ERBB2: variants seen among roughly 807,000 people sequenced by gnomAD.
ERBB2 encodes the protein erb-b2 receptor tyrosine kinase 2.
ERBB2 carries 61 observed loss-of-function variants against 149.0 expected under a neutral mutation model. The ratio of observed to expected loss-of-function variants is 0.41; its 90% confidence interval spans 0.33 to 0.51. The LOEUF is 0.51. Among genes scored for constraint, ERBB2 ranks in the 20% least tolerant of loss-of-function variants. The pLI is 0.25. For missense variants in ERBB2, 1,205 were observed against 1,655.1 expected, an observed-to-expected ratio of 0.73 and a Z score of 4.72; for synonymous variants, 633 against 678.8, an observed-to-expected ratio of 0.93 and a Z score of 1.05.
Position 39,724,707 on chromosome 17 carries a change from A to G in ERBB2, c.2308-19A>G, listed in dbSNP as rs1193115133. On this transcript the variant is annotated intron_variant, in intron 19 of 26. Transcript: ENST00000269571. ...GGTGTGTGGTCTCCCATACCCTCTC[A>G]GCGTACCCTTGTCCCCAGGAAGCAT... 6.2e-7 allele frequency: 1 copy of G among 1,612,224 alleles called. No homozygotes were observed. The highest frequency in any genetic ancestry group is 1.3e-5 in the African/African-American group (1 of 74,830).
rs1597876420 is a variant in ERBB2, at chr17:39,717,443, G to A, written c.1861G>A (p.Gly621Ser). ...MPIWKFPDEEGACQPCPINCT... is the reference protein window; with the variant it reads ...MPIWKFPDEESACQPCPINCT... ...CATCTGGAAGTTTCCAGATGAGGAG[G>A]GCGCATGCCAGCCTTGCCCCATCAA... The change falls in exon 15 of 27, where the codon GGC becomes AGC. Residue 621 changes from glycine (G) to serine (S), a missense_variant. Physicochemically the swap from Gly to Ser is moderately conservative, Grantham distance 56 (BLOSUM62 0). This residue lies in a region of ERBB2 where 569 missense variants were observed against 803.5 expected (regional missense o/e 0.71). Transcript: ENST00000269571. 2 of 1,613,336 alleles carry A rather than the reference G, an allele frequency of 1.2e-6. No homozygotes were observed. Among genetic ancestry groups the A allele is most frequent in the Non-Finnish European group, 1.7e-6 (2 of 1,179,970 alleles).
chr17:39,709,252 G>A (rs2145465328), intron 3 of ERBB2, 66 bp from the exon 4 acceptor site: 1 of 1,586,202 alleles, frequency 6.3e-7, no homozygotes, highest in Non-Finnish European at 8.6e-7. Context: ...GAAGGCAGGA[G>A]GGCCCCAAGG....
chr17:39,707,140 AG>A lies in ERBB2; in HGVS notation c.225+1del, dbSNP rs780661804. 1 of 1,568,148 alleles carries A rather than the reference AG, an allele frequency of 6.4e-7. No homozygotes were observed. Among genetic ancestry groups the A allele is most frequent in the Non-Finnish European group, 8.7e-7 (1 of 1,154,594 alleles). ...LPTNASLSFL[Q>X]DIQEVQGYVL... Reference sequence around the variant, plus strand: ...ACCAATGCCAGCCTGTCCTTCCTGCAGGTGAGGCCCGTGGGCAACCCAGCCA... The same window carrying A: ...ACCAATGCCAGCCTGTCCTTCCTGCAGTGAGGCCCGTGGGCAACCCAGCCA... On this transcript the variant is annotated frameshift_variant and splice_region_variant, in exon 2 of 27. Coordinates refer to ENST00000269571, the MANE Select transcript of ERBB2 (RefSeq NM_004448.4). LOFTEE classifies it high-confidence loss of function.
rs2143064719 is a variant in ERBB2 at position 39,725,747 on chromosome 17, T to C, written c.2766T>C (p.Pro922=). ...VWELMTFGAK[P]YDGIPAREIP... The stretch of plus-strand genomic sequence containing the variant: ...AGCTGATGACTTTTGGGGCCAAACC[T>C]TACGATGGGATCCCAGCCCGGGAGA... Residue 922 remains proline, a synonymous_variant, in exon 23 of 27, where the codon CCT becomes CCC. Coordinates refer to ENST00000269571, the MANE Select transcript of ERBB2 (RefSeq NM_004448.4). The surrounding 1 kb of genome is among the most constrained non-coding windows in gnomAD (Gnocchi z 4.6). The C allele has an allele frequency of 1.2e-6, 2 of 1,613,708 alleles. No homozygotes were observed. The highest frequency in any genetic ancestry group is 1.7e-6 in the Non-Finnish European group (2 of 1,179,878).
intron 1 of ERBB2, among the ~76,000 whole-genome samples, 174 bp downstream of exon 1, chr17:39,700,485 G>A (rs1421590808): frequency 6.6e-5 from 10 of 152,242 alleles, no homozygotes; most frequent in Non-Finnish European, 1.2e-4. Context: ...CGGGCGGGAG[G>A]GGGCAGTTAC....
chr17:39,712,583 AC>A, intron 9 of ERBB2, 135 bp downstream of exon 9: 1 of 1,070,494 alleles, frequency 9.3e-7, no homozygotes, highest in Non-Finnish European at 1.3e-6. Flanking sequence ...CAGATGGGAG[AC>A]CAGAGGAGCA....
rs200798611 is a variant in ERBB2, at chr17:39,717,316, C to T, written c.1738-4C>T. ...CCCCCACAAATCTTTTCTGCCCCCCCCAGGAGGCTGACCAGTGTGTGGCCT... is the reference window on the plus strand; with the variant it reads ...CCCCCACAAATCTTTTCTGCCCCCCTCAGGAGGCTGACCAGTGTGTGGCCT... On this transcript the variant is annotated splice_polypyrimidine_tract_variant and splice_region_variant and intron_variant, in intron 14 of 26. Transcript: ENST00000269571. The T allele has an allele frequency of 2.5e-6, 4 of 1,603,106 alleles. No individual in the cohort carries two copies. The South Asian group carries it at 3.3e-5, about 13-fold the overall frequency.
rs2230700 is a variant in ERBB2 at position 39,728,049 on chromosome 17, G to A, written c.*5G>A. Reference sequence around the variant, plus strand: ...GGTCTGGACGTGCCAGTGTGAACCAGAAGGCCAAGTCCGCAGAAGCCCTGA... The same window carrying A: ...GGTCTGGACGTGCCAGTGTGAACCAAAAGGCCAAGTCCGCAGAAGCCCTGA... On this transcript the variant is annotated 3_prime_UTR_variant, in exon 27 of 27. Transcript: ENST00000269571. The A allele has an allele frequency of 6.4e-7, 1 of 1,567,528 alleles. No individual in the cohort carries two copies. Among genetic ancestry groups the A allele is most frequent in the East Asian group, 2.3e-5 (1 of 44,408 alleles).
chr17:39,722,348 A>T (rs2059496318), intron 16 of ERBB2, among the ~76,000 whole-genome samples: 1 of 152,062 alleles, frequency 6.6e-6, no homozygotes, highest in Non-Finnish European at 1.5e-5. Context: ...ACAAAAAATA[A>T]AAAAACTAGC....
rs540921632 is a variant in ERBB2 at position 39,725,174 on chromosome 17, C to T, written c.2619C>T (p.Asp873=). Residue 873 remains aspartate (D), a synonymous_variant, in exon 21 of 27, where the codon GAC becomes GAT. Transcript: ENST00000269571. This position sits in a 1 kb window ranked among gnomAD's most constrained non-coding sequence, Gnocchi z 4.6. ...DFGLARLLDI[D]ETEYHADGGK... is the part of the protein sequence containing the mutation. ...GGCTGGCTCGGCTGCTGGACATTGA[C>T]GAGACAGAGTACCATGCAGATGGGG... 2.9e-5 allele frequency: 47 copies of T among 1,614,044 alleles called. 1 individual carries two copies. Among genetic ancestry groups the T allele is most frequent in the African/African-American group, 1.7e-4 (13 of 75,000 alleles).
chr17:39,710,037 C>T (rs2145498238), intron 5 of ERBB2, 49 bp from the exon 6 acceptor site: 1 of 1,536,890 alleles, frequency 6.5e-7, no homozygotes, highest in East Asian at 2.3e-5. Flanking sequence ...TGATGAGGGT[C>T]TGGTGCCCAG....
At position 39,726,370 on chromosome 17, in the gene ERBB2, T is replaced by A; in HGVS notation, c.2873-192T>A. On this transcript the variant is annotated intron_variant, in intron 23 of 26. Transcript: ENST00000269571. The surrounding 1 kb of genome is among the most constrained non-coding windows in gnomAD (Gnocchi z 5.1). The stretch of plus-strand genomic sequence containing the variant: ...AAGCAAACAAAAAGAAAAAAAAAAT[T>A]AAAAGGGAAACTAGAAGAGATGCCA... 2 of 563,250 alleles carry A rather than the reference T, an allele frequency of 3.6e-6. No individual in the cohort carries two copies. The highest frequency in any genetic ancestry group is 2.5e-5 in the South Asian group (1 of 40,782). The allele number at this position is 563,250 out of a possible 1,614,324, so 34.9% of individuals were successfully genotyped here. A position where few individuals can be genotyped will look rare whatever the true frequency, so the allele number is the denominator to read the frequency against.
intron 19 of ERBB2, 76 bp downstream of exon 19, chr17:39,724,086 T>C: frequency 9.4e-7 from 1 of 1,068,640 alleles, no homozygotes; most frequent in Non-Finnish European, 1.4e-6. Flanking sequence ...TGGTCTCTCT[T>C]CATTGGGGTT....
chr17:39,690,467 C>T (rs570556191), upstream of ERBB2, among the ~76,000 whole-genome samples: 11 of 152,252 alleles, frequency 7.2e-5, no homozygotes, highest in South Asian at 2.1e-3. Flanking sequence ...TTTCAGAGGT[C>T]CTTGAAAACC....
At chr17:39,698,462 T>C (rs1230150805), upstream of ERBB2, among the ~76,000 whole-genome samples, 1 of 152,022 alleles carries the variant, frequency 6.6e-6, no homozygotes, top group East Asian at 1.9e-4. Context: ...GGTTTCACCG[T>C]GTTAGCCAGG....
intron 1 of ERBB2, among the ~76,000 whole-genome samples, chr17:39,701,568 G>A (rs1487218633): frequency 2.6e-5 from 4 of 152,276 alleles, no homozygotes; most frequent in South Asian, 2.1e-4. Flanking sequence ...TGTCATCGTG[G>A]CTGTGTGTTG....
At chr17:39,703,990 G>A (rs2058264619) in intron 1 of ERBB2, among the ~76,000 whole-genome samples, 1 of 152,218 alleles carries the variant, frequency 6.6e-6, no homozygotes. Context: ...CCTCAGGACT[G>A]GGGTCAAGTC....
intron 7 of ERBB2, 63 bp downstream of exon 7, chr17:39,710,544 G>A (rs2145529653): frequency 6.4e-7 from 1 of 1,573,150 alleles, no homozygotes; most frequent in Non-Finnish European, 8.7e-7. Flanking sequence ...CTGTAAATGG[G>A]AGCATATGGG....
At chr17:39,691,556 A>AAAAAAAAAAAAAAT (rs573116217), upstream of ERBB2, among the ~76,000 whole-genome samples, 2 of 84,182 alleles carry the variant, frequency 2.4e-5, no homozygotes, top group African/African-American at 1.0e-4. Context: ...TAAAAAAAAA[A>AAAAAAAAAAAAAAT]ATATATATAT....
Sources: allele counts gnomAD v4.1 joint callset (sites outside exome capture counted in the v4.1 genomes callset), GRCh38; gene constraint gnomAD v4.1.1; regional missense constraint gnomAD v4.1.1; non-coding constraint Gnocchi (gnomAD v3.1); transcripts MANE v1.5; gene names NCBI Gene and HGNC (gene_info 2026-07-23, HGNC 2026-07-21).